The following IL15 variants were observed in gnomAD, a reference collection of about 807,000 sequenced individuals.
The protein encoded by IL15 is interleukin 15, also known as interleukin-15.
IL15 carries 11 observed loss-of-function variants against 19.6 expected under a neutral mutation model. The ratio of observed to expected loss-of-function variants is 0.56; its 90% CI spans 0.35 to 0.93. The LOEUF (loss-of-function observed/expected upper bound fraction) is 0.93. Among genes scored for constraint, IL15 ranks in the 40% least tolerant of loss-of-function variants. The pLI, the probability that IL15 is intolerant of heterozygous loss-of-function variation, is 0.01. For missense variants in IL15, 197 were observed against 186.5 expected (o/e 1.06, Z -0.33); for synonymous variants, 58 against 59.6 (o/e 0.97, Z 0.12).
rs574697782 is a variant in IL15, at chr4:141,644,856, G to A, written c.-222+8108G>A. Among the ~76,000 whole-genome samples the A allele has an allele frequency of 2.9e-4, 44 of 152,172 alleles. No homozygotes were observed. In the Middle Eastern group the frequency reaches 0.014, roughly 47 times the overall value. On this transcript the variant is annotated intron_variant, in intron 1 of 7. Transcript: ENST00000320650. ...GTCCATAGCAAGTCTAAATAGAGCCGGCATATATCCCAAGTTCTTGCTCTG... is the reference window on the plus strand; with the variant it reads ...GTCCATAGCAAGTCTAAATAGAGCCAGCATATATCCCAAGTTCTTGCTCTG...
intron 7 of IL15, among the ~76,000 whole-genome samples, chr4:141,731,482 G>T (rs1255841426): frequency 6.6e-6 from 1 of 152,152 alleles, no homozygotes; most frequent in Non-Finnish European, 1.5e-5. Context: ...TCTTATTGGT[G>T]GAAAGAGTGA....
intron 2 of IL15, among the ~76,000 whole-genome samples, chr4:141,692,499 A>G: frequency 6.6e-6 from 1 of 152,194 alleles, no homozygotes; most frequent in East Asian, 1.9e-4. Flanking sequence ...GTTCAATTTC[A>G]AACTATCTCT....
At chr4:141,705,741 G>C (rs1451399381) in intron 2 of IL15, among the ~76,000 whole-genome samples, 1 of 151,928 alleles carries the variant, frequency 6.6e-6, no homozygotes, top group Non-Finnish European at 1.5e-5. Context: ...ATTTGCTTTA[G>C]ATATCTGGGT....
chr4:141,656,567 A>G (rs1727605330), intron 2 of IL15, among the ~76,000 whole-genome samples: 2 of 152,198 alleles, frequency 1.3e-5, no homozygotes, highest in African/African-American at 4.8e-5. Flanking sequence ...TCAAATGCTC[A>G]CTGTCACAAT....
At chr4:141,720,945 A>T in intron 4 of IL15, 1 of 567,258 alleles carries the variant, frequency 1.8e-6, no homozygotes, top group South Asian at 2.3e-5. Context: ...CTATCCCTTG[A>T]TCTTTATCCT....
intron 1 of IL15, among the ~76,000 whole-genome samples, chr4:141,642,902 A>G (rs1727098556): frequency 6.6e-6 from 1 of 152,174 alleles, no homozygotes. Flanking sequence ...TGTGCTTAGC[A>G]GAGGGTTGGT....
chr4:141,681,244 C>T (rs1728521333), intron 2 of IL15, among the ~76,000 whole-genome samples: 1 of 151,700 alleles, frequency 6.6e-6, no homozygotes, highest in Admixed American at 6.6e-5. Flanking sequence ...TAATTTCCTT[C>T]CTTCCTCTTT....
chr4:141,650,791 G>T (rs1727378341), intron 1 of IL15, among the ~76,000 whole-genome samples: 1 of 151,956 alleles, frequency 6.6e-6, no homozygotes, highest in Non-Finnish European at 1.5e-5. Flanking sequence ...CACTGGAAGG[G>T]ACTTTAGACA....
At chr4:141,703,876 G>A (rs1000269283) in intron 2 of IL15, among the ~76,000 whole-genome samples, 1 of 151,782 alleles carries the variant, frequency 6.6e-6, no homozygotes, top group African/African-American at 2.4e-5. Context: ...TTCATTATTG[G>A]TGTATAGAAA....
chr4:141,637,055 C>G (rs924159490), intron 1 of IL15: 2 of 152,282 alleles, frequency 1.3e-5, no homozygotes, highest in Non-Finnish European at 1.5e-5. Context: ...TTACGGCGTT[C>G]CAGGCTGCTG....
chr4:141,677,528 A>G (rs548452577), intron 2 of IL15, among the ~76,000 whole-genome samples: 71 of 152,252 alleles, frequency 4.7e-4, no homozygotes, highest in Non-Finnish European at 9.1e-4. Flanking sequence ...GCCGGGGATC[A>G]GTGCCCCAGC....
intron 2 of IL15, among the ~76,000 whole-genome samples, chr4:141,714,196 T>C (rs1729798082): frequency 6.6e-6 from 1 of 152,062 alleles, no homozygotes; most frequent in Admixed American, 6.6e-5. Context: ...GTAGAAAACT[T>C]ACACCTACCT....
At chr4:141,712,896 A>T (rs1408321074) in intron 2 of IL15, among the ~76,000 whole-genome samples, 1 of 151,804 alleles carries the variant, frequency 6.6e-6, no homozygotes, top group Non-Finnish European at 1.5e-5. Flanking sequence ...AAAGATACAT[A>T]TATTTATATA....
At chr4:141,704,319 T>C (rs1051036381) in intron 2 of IL15, among the ~76,000 whole-genome samples, 1 of 152,198 alleles carries the variant, frequency 6.6e-6, no homozygotes, top group Non-Finnish European at 1.5e-5. Flanking sequence ...TTTTTCTTCC[T>C]GTTAATGTGT....
At chr4:141,728,662 T>G (rs1730348220) in intron 6 of IL15, among the ~76,000 whole-genome samples, 1 of 152,130 alleles carries the variant, frequency 6.6e-6, no homozygotes, top group East Asian at 1.9e-4. Flanking sequence ...CTCTCCATTA[T>G]TCCTCAATTA....
rs527336964 is a variant in IL15, at chr4:141,670,781, T to C, written c.-100+14474T>C. Among the ~76,000 whole-genome samples, 4 of 152,330 alleles carry C rather than the reference T, an allele frequency of 2.6e-5. No individual in the cohort carries two copies. In the East Asian group the frequency reaches 7.7e-4, roughly 29 times the overall value. On this transcript the variant is annotated intron_variant, in intron 2 of 7. Coordinates refer to ENST00000320650, the MANE Select transcript of IL15 (RefSeq NM_000585.5). ...GAAATTAGTTTTAGATTCAACATTATGTCGAAGTTCCAGTACCTTTATACT... is the reference window on the plus strand; with the variant it reads ...GAAATTAGTTTTAGATTCAACATTACGTCGAAGTTCCAGTACCTTTATACT...
chr4:141,681,496 C>T (rs1402102524), intron 2 of IL15, among the ~76,000 whole-genome samples: 2 of 152,082 alleles, frequency 1.3e-5, no homozygotes, highest in Non-Finnish European at 2.9e-5. Context: ...CTTGATGCCT[C>T]ATGATAGCAC....
intron 2 of IL15, among the ~76,000 whole-genome samples, chr4:141,673,428 G>A (rs1728239228): frequency 6.6e-6 from 1 of 152,026 alleles, no homozygotes. Flanking sequence ...AATTACTATG[G>A]GAATTAAGGT....
chr4:141,703,570 T>C (rs1729401954), intron 2 of IL15, among the ~76,000 whole-genome samples: 1 of 152,148 alleles, frequency 6.6e-6, no homozygotes, highest in African/African-American at 2.4e-5. Context: ...AGTGGGGATA[T>C]GTGCTCAAAG....
Sources: allele counts gnomAD v4.1 joint callset (sites outside exome capture counted in the v4.1 genomes callset), GRCh38; gene constraint gnomAD v4.1.1; transcripts MANE v1.5; gene names NCBI Gene and HGNC (gene_info 2026-07-23, HGNC 2026-07-21).